The following TP63 variants were observed in gnomAD, a reference collection of about 807,000 sequenced individuals.
The protein encoded by TP63 is tumor protein 63.
TP63 carries 17 observed loss-of-function variants against 82.8 expected under a neutral mutation model. The observed-to-expected ratio is 0.21, with a 90% CI of 0.14 to 0.31. The LOEUF (loss-of-function observed/expected upper bound fraction) is 0.31. TP63 is among the 10% of genes least tolerant of loss of function. TP63 has a pLI of 1.00. For synonymous variants in TP63, 330 were observed against 321.7 expected (o/e 1.03, Z -0.28); for missense variants, 648 against 895.3 (o/e 0.72, Z 3.52).
At chr3:189,888,896 C>T (rs1211877452) in intron 11 of TP63, among the ~76,000 whole-genome samples, 2 of 152,228 alleles carry the variant, frequency 1.3e-5, no homozygotes, top group African/African-American at 4.8e-5. Flanking sequence ...CATTTATCCA[C>T]TTACCCTAAG....
intron 4 of TP63, among the ~76,000 whole-genome samples, chr3:189,832,552 G>A (rs1423656926): frequency 6.6e-6 from 1 of 152,178 alleles, no homozygotes; most frequent in Non-Finnish European, 1.5e-5. Flanking sequence ...AAAGCATGAA[G>A]TTTGACATAA....
the TP63 span, among the ~76,000 whole-genome samples, chr3:189,605,316 A>G: frequency 1.3e-5 from 2 of 152,358 alleles, no homozygotes; most frequent in Admixed American, 1.3e-4. Context: ...AAATTTTATC[A>G]GAAGTATGCT....
At chr3:189,740,141 CTT>C (rs1194563733) in intron 3 of TP63, among the ~76,000 whole-genome samples, 1 of 152,152 alleles carries the variant, frequency 6.6e-6, no homozygotes, top group African/African-American at 2.4e-5. Flanking sequence ...TTCATTGACT[CTT>C]TTCATTCCAA....
chr3:189,738,573 T>A, intron 2 of TP63, 69 bp from the exon 3 acceptor site: 1 of 1,611,300 alleles, frequency 6.2e-7, no homozygotes, highest in Non-Finnish European at 8.5e-7. Context: ...TGCTTGTTGT[T>A]AACAACAGCA....
chr3:189,724,693 C>T (rs1719641880), intron 1 of TP63, among the ~76,000 whole-genome samples: 1 of 152,196 alleles, frequency 6.6e-6, no homozygotes, highest in South Asian at 2.1e-4. Flanking sequence ...GAGTGGAAGA[C>T]AAATACAATT....
chr3:189,808,675 G>A, intron 4 of TP63, 149 bp downstream of exon 4: 1 of 1,471,272 alleles, frequency 6.8e-7, no homozygotes, highest in Non-Finnish European at 9.2e-7. Flanking sequence ...GAACCAGAGA[G>A]AGAGAAAGTG....
At chr3:189,825,662 T>C (rs1729268858) in intron 4 of TP63, among the ~76,000 whole-genome samples, 1 of 152,242 alleles carries the variant, frequency 6.6e-6, no homozygotes. Context: ...GTCTTCTCTA[T>C]TCTTTCCCTT....
chr3:189,706,925 C>A (rs770242457), intron 1 of TP63, among the ~76,000 whole-genome samples: 6 of 151,370 alleles, frequency 4.0e-5, no homozygotes, highest in Non-Finnish European at 7.4e-5. Context: ...TACAATTTCT[C>A]CTACACGCTG....
intron 1 of TP63, among the ~76,000 whole-genome samples, chr3:189,654,697 A>T (rs1190247584): frequency 6.6e-6 from 1 of 152,228 alleles, no homozygotes; most frequent in Non-Finnish European, 1.5e-5. Context: ...CAAGCTGAAA[A>T]AAATCTATTA....
rs1270973905 is a variant in TP63 at position 189,875,611 on chromosome 3, T to TATATATATAC, written c.1349+2625_1349+2626insCATATATATA. ...ATACATACATATATATATATATATATATATATATATATATATATATATATA... is the reference window on the plus strand; with the variant it reads ...ATACATACATATATATATATATATATATATATATACATATATATATATATATATATATATA... On this transcript the variant is annotated intron_variant, in intron 10 of 13. Coordinates refer to ENST00000264731, the MANE Select transcript of TP63 (RefSeq NM_003722.5). 3.8e-4 allele frequency among the ~76,000 whole-genome samples: 29 copies of TATATATATAC among 77,038 alleles called. 1 individual carries two copies. Among genetic ancestry groups the TATATATATAC allele is most frequent in the African/African-American group, 1.3e-3 (28 of 21,194 alleles). The allele number at this position is 77,038 out of a possible 152,430, so 50.5% of individuals were successfully genotyped here.
At chr3:189,696,642 C>T (rs1272267317) in intron 1 of TP63, among the ~76,000 whole-genome samples, 2 of 152,132 alleles carry the variant, frequency 1.3e-5, no homozygotes, top group African/African-American at 4.8e-5. Context: ...CCAAAGTACA[C>T]ATACAATTTT....
At chr3:189,759,414 A>G (rs1490789888) in intron 3 of TP63, among the ~76,000 whole-genome samples, 3 of 152,206 alleles carry the variant, frequency 2.0e-5, no homozygotes, top group African/African-American at 7.2e-5. Context: ...AAAACTCTGT[A>G]AAATATTTGA....
At chr3:189,809,920 A>G (rs1264782920) in intron 4 of TP63, among the ~76,000 whole-genome samples, 1 of 152,232 alleles carries the variant, frequency 6.6e-6, no homozygotes, top group Non-Finnish European at 1.5e-5. Context: ...ACTTGTGTGT[A>G]GCTGGGCCTG....
intron 1 of TP63, among the ~76,000 whole-genome samples, chr3:189,657,322 C>G (rs1460085670): frequency 6.6e-6 from 1 of 151,836 alleles, no homozygotes; most frequent in African/African-American, 2.4e-5. Context: ...AAAAAATGAA[C>G]CTCAATGTAT....
At chr3:189,835,900 C>T (rs184712551) in intron 4 of TP63, among the ~76,000 whole-genome samples, 99 of 148,302 alleles carry the variant, frequency 6.7e-4, no homozygotes, top group African/African-American at 2.1e-3. Context: ...GGCCACAGTG[C>T]GAGACTCCAT....
intron 1 of TP63, among the ~76,000 whole-genome samples, chr3:189,656,097 T>A (rs1224330472): frequency 1.3e-5 from 2 of 152,174 alleles, no homozygotes; most frequent in Non-Finnish European, 2.9e-5. Context: ...CATAAAATAT[T>A]TACTTTTTTT....
chr3:189,876,833 G>A (rs1310017961), intron 10 of TP63, among the ~76,000 whole-genome samples: 1 of 152,074 alleles, frequency 6.6e-6, no homozygotes, highest in African/African-American at 2.4e-5. Context: ...GCAATCATTT[G>A]AAAAGAATAA....
Position 189,699,854 on chromosome 3 carries a change from G to A in TP63, c.63-37886G>A, listed in dbSNP as rs567951644. 5.9e-5 allele frequency among the ~76,000 whole-genome samples: 9 copies of A among 152,292 alleles called. No homozygotes were observed. The East Asian group carries it at 1.2e-3, about 20-fold the overall frequency. On this transcript the variant is annotated intron_variant, in intron 1 of 13. Coordinates refer to ENST00000264731, the MANE Select transcript of TP63 (RefSeq NM_003722.5). ...ATATTTTAAATTTCAACATTAAATA[G>A]TTAATGAAGCTTGAGTTATGATTCC...
intron 4 of TP63, among the ~76,000 whole-genome samples, chr3:189,862,430 CG>C (rs967096837): frequency 4.6e-5 from 7 of 152,014 alleles, no homozygotes; most frequent in African/African-American, 1.7e-4. Context: ...TGTACTCTCT[CG>C]AGCTTGATTT....
Sources: allele counts gnomAD v4.1 joint callset (sites outside exome capture counted in the v4.1 genomes callset), GRCh38; gene constraint gnomAD v4.1.1; transcripts MANE v1.5; gene names NCBI Gene and HGNC (gene_info 2026-07-23, HGNC 2026-07-21).